The following CCDC3 variants were observed in gnomAD, a reference collection of about 807,000 sequenced individuals.
CCDC3 encodes coiled-coil domain containing 3.
In CCDC3, 24 loss-of-function variants were observed where a neutral mutation model predicts 21.4. That is an observed-to-expected ratio of 1.12 (90% CI 0.81 to 1.58). The LOEUF is 1.58. Among genes scored for constraint, CCDC3 ranks in the 40% most tolerant of loss-of-function variants. CCDC3 has a pLI of 0.00. For synonymous variants in CCDC3, 186 were observed against 166.0 expected (o/e 1.12, Z -0.93); for missense variants, 425 against 360.9 (o/e 1.18, Z -1.44).
At chr10:12,974,492 T>C (rs1179088480) in intron 2 of CCDC3, among the ~76,000 whole-genome samples, 1 of 152,230 alleles carries the variant, frequency 6.6e-6, no homozygotes, top group Admixed American at 6.5e-5. Flanking sequence ...ATATCAATTA[T>C]ATGGAGTTTA....
chr10:12,966,634 G>A (rs918449690), intron 2 of CCDC3, among the ~76,000 whole-genome samples: 3 of 152,110 alleles, frequency 2.0e-5, no homozygotes, highest in Non-Finnish European at 2.9e-5. Flanking sequence ...TTTCCAAAGC[G>A]ACCTGTGCCT....
intron 2 of CCDC3, among the ~76,000 whole-genome samples, chr10:12,961,201 C>T (rs1350383878): frequency 6.6e-6 from 1 of 152,182 alleles, no homozygotes; most frequent in Non-Finnish European, 1.5e-5. Context: ...GAGCAAATGG[C>T]TTCAGCCCAC....
chr10:13,090,674 G>A (rs1832555352), intron 3 of CCDC3, among the ~76,000 whole-genome samples: 1 of 152,324 alleles, frequency 6.6e-6, no homozygotes, highest in East Asian at 1.9e-4. Flanking sequence ...GGGTCTAAAT[G>A]TTTGTGTCCT....
chr10:12,976,558 T>C lies in CCDC3; in HGVS notation c.549+21780A>G, dbSNP rs549386513. Among the ~76,000 whole-genome samples the C allele has an allele frequency of 5.3e-5, 8 of 152,320 alleles. No individual in the cohort carries two copies. In the South Asian group the frequency reaches 1.0e-3, roughly 20 times the overall value. Reference sequence around the variant, plus strand: ...CCACAAGGGAAGGTATCTTAGAGAATTGACTTTTCTCATCTGATCCATGAA... The same window carrying C: ...CCACAAGGGAAGGTATCTTAGAGAACTGACTTTTCTCATCTGATCCATGAA... On this transcript the variant is annotated intron_variant, in intron 2 of 2. Coordinates refer to ENST00000378825, the MANE Select transcript of CCDC3 (RefSeq NM_031455.4).
chr10:12,979,310 T>C (rs1421503741), intron 2 of CCDC3, among the ~76,000 whole-genome samples: 1 of 152,082 alleles, frequency 6.6e-6, no homozygotes, highest in African/African-American at 2.4e-5. Flanking sequence ...CATCAGTAAG[T>C]GCTCGCTGCC....
At chr10:12,901,878 C>T (rs1027297362) in intron 2 of CCDC3, among the ~76,000 whole-genome samples, 3 of 152,200 alleles carry the variant, frequency 2.0e-5, no homozygotes, top group South Asian at 2.1e-4. Flanking sequence ...AACACATCAG[C>T]GCTTTCTCAT....
intron 2 of CCDC3, among the ~76,000 whole-genome samples, chr10:12,928,750 T>C (rs769061333): frequency 3.3e-5 from 5 of 152,204 alleles, no homozygotes; most frequent in Admixed American, 1.3e-4. Flanking sequence ...AAGTATCTGT[T>C]CTTGGACCAC....
chr10:13,097,596 C>T (rs1211875787), intron 3 of CCDC3, among the ~76,000 whole-genome samples: 2 of 152,142 alleles, frequency 1.3e-5, no homozygotes, highest in East Asian at 1.9e-4. Context: ...TGGTGGCACA[C>T]GCCTGTAATC....
At chr10:12,920,794 T>G (rs74120718) in intron 2 of CCDC3, among the ~76,000 whole-genome samples, 3,158 of 152,280 alleles carry the variant, frequency 0.021, 87 homozygotes, top group African/African-American at 0.06. Context: ...CTTGCCTAAG[T>G]CCCCGTGACA....
intron 4 of CCDC3, among the ~76,000 whole-genome samples, chr10:13,057,748 G>A (rs983437740): frequency 1.2e-4 from 18 of 151,874 alleles, no homozygotes; most frequent in Non-Finnish European, 2.5e-4. Flanking sequence ...GCGTGGTGGT[G>A]GGTGCCTGTA....
intron 1 of CCDC3, among the ~76,000 whole-genome samples, chr10:13,000,373 T>C (rs1167819614): frequency 6.6e-6 from 1 of 152,142 alleles, no homozygotes; most frequent in African/African-American, 2.4e-5. Flanking sequence ...ACTGAATTCT[T>C]AGGCAGATGC....
intron 2 of CCDC3, among the ~76,000 whole-genome samples, chr10:12,962,651 C>T (rs1022184553): frequency 5.9e-5 from 9 of 152,248 alleles, no homozygotes; most frequent in African/African-American, 2.2e-4. Flanking sequence ...TTTCGAACGG[C>T]TTACAACTGT....
intron 3 of CCDC3, among the ~76,000 whole-genome samples, chr10:13,075,701 A>C (rs1023346444): frequency 6.6e-6 from 1 of 152,174 alleles, no homozygotes; most frequent in African/African-American, 2.4e-5. Context: ...TATACTTTTC[A>C]AAAATTGATG....
intron 2 of CCDC3, among the ~76,000 whole-genome samples, chr10:12,899,406 C>T (rs1041302884): frequency 1.6e-4 from 24 of 152,164 alleles, no homozygotes; most frequent in African/African-American, 5.3e-4. Context: ...AAAGACCAAT[C>T]TGGCTCTGTC....
intron 2 of CCDC3, among the ~76,000 whole-genome samples, chr10:12,977,417 C>T (rs905719233): frequency 1.3e-5 from 2 of 152,194 alleles, no homozygotes; most frequent in Non-Finnish European, 2.9e-5. Flanking sequence ...TGCCTGTGGA[C>T]ACCACTGTCC....
At chr10:12,957,419 C>G (rs1039295319) in intron 2 of CCDC3, among the ~76,000 whole-genome samples, 9 of 152,218 alleles carry the variant, frequency 5.9e-5, no homozygotes, top group African/African-American at 1.7e-4. Flanking sequence ...ACATAAAAGT[C>G]TGCTAAAGGT....
intron 2 of CCDC3, among the ~76,000 whole-genome samples, chr10:12,968,796 C>T (rs182321981): frequency 2.0e-5 from 3 of 152,142 alleles, no homozygotes; most frequent in Admixed American, 2.0e-4. Flanking sequence ...AAATAAATAG[C>T]CCATTACAGT....
intron 5 of CCDC3, among the ~76,000 whole-genome samples, chr10:13,043,486 G>A (rs568039390): frequency 6.6e-6 from 1 of 152,222 alleles, no homozygotes; most frequent in Admixed American, 6.5e-5. Flanking sequence ...GCAGCTACTC[G>A]AGAGGCTGAG....
At chr10:12,954,885 A>G (rs1293225230) in intron 2 of CCDC3, among the ~76,000 whole-genome samples, 1 of 152,240 alleles carries the variant, frequency 6.6e-6, no homozygotes, top group Non-Finnish European at 1.5e-5. Context: ...CCTTGAAAAC[A>G]TAAGGGACTC....
Sources: allele counts gnomAD v4.1 joint callset (sites outside exome capture counted in the v4.1 genomes callset), GRCh38; gene constraint gnomAD v4.1.1; transcripts MANE v1.5; gene names NCBI Gene and HGNC (gene_info 2026-07-23, HGNC 2026-07-21).